Variants in ADGRE3 observed in about 807,000 individuals in gnomAD.
ADGRE3 encodes adhesion G protein-coupled receptor E3.
ADGRE3 carries 88 observed loss-of-function variants against 80.1 expected under a neutral mutation model. That is an observed-to-expected ratio of 1.10 (90% CI 0.93 to 1.31). ADGRE3 has a LOEUF of 1.31. Ranked by LOEUF, ADGRE3 falls within the 40% of genes most tolerant of loss-of-function variation. The probability of loss-of-function intolerance (pLI) is 0.00; values close to 1 mark genes in which losing one functional copy is unlikely to be tolerated. For missense variants in ADGRE3, 715 were observed against 776.5 expected (o/e 0.92, Z 0.94); for synonymous variants, 281 against 294.8 (o/e 0.95, Z 0.48).
the ADGRE3 span, among the ~76,000 whole-genome samples, chr19:14,606,830 T>C: frequency 6.6e-6 from 1 of 151,912 alleles, no homozygotes; most frequent in South Asian, 2.1e-4. Context: ...CATGCTACAG[T>C]GGGAGGAAGA....
the ADGRE3 span, among the ~76,000 whole-genome samples, chr19:14,607,286 G>T: frequency 6.7e-6 from 1 of 149,766 alleles, no homozygotes; most frequent in East Asian, 2.0e-4. Flanking sequence ...CTCACTGCAA[G>T]CTCCGCCTCC....
At chr19:14,674,666 G>GA (rs1407723132) in intron 1 of ADGRE3, 80 bp downstream of exon 1, 18 of 1,447,000 alleles carry the variant, frequency 1.2e-5, no homozygotes, top group Non-Finnish European at 1.6e-5. Flanking sequence ...AAGAGGAGGA[G>GA]AAAATAACCA....
chr19:14,670,475 C>T (rs1165413066), intron 1 of ADGRE3, among the ~76,000 whole-genome samples: 1 of 152,160 alleles, frequency 6.6e-6, no homozygotes, highest in Non-Finnish European at 1.5e-5. Context: ...TTATGAGAGA[C>T]CAGCAAGGTT....
intron 2 of ADGRE3, 64 bp downstream of exon 2, chr19:14,668,738 C>A (rs4239642): frequency 0.75 from 1,061,160 of 1,408,070 alleles, 403,156 homozygotes; most frequent in African/African-American, 0.94. Flanking sequence ...CCACTGGAGA[C>A]CATGAGTGGC....
chr19:14,635,371 CT>C (rs1323765961), intron 11 of ADGRE3, among the ~76,000 whole-genome samples: 1 of 150,824 alleles, frequency 6.6e-6, no homozygotes. Context: ...TCCCAAAGTG[CT>C]GGGGTTACAG....
chr19:14,617,786 G>T (rs1339465033), downstream of ADGRE3, among the ~76,000 whole-genome samples: 1 of 151,320 alleles, frequency 6.6e-6, no homozygotes, highest in African/African-American at 2.4e-5. Flanking sequence ...TAATCTTTTG[G>T]CCTTTTTTCC....
At chr19:14,659,208 T>C (rs951397406) in intron 4 of ADGRE3, among the ~76,000 whole-genome samples, 2 of 150,762 alleles carry the variant, frequency 1.3e-5, no homozygotes, top group Non-Finnish European at 3.0e-5. Flanking sequence ...CTAAATTTTT[T>C]TTTTTTGTAT....
chr19:14,618,446 C>T (rs934982631), downstream of ADGRE3, among the ~76,000 whole-genome samples: 2 of 151,884 alleles, frequency 1.3e-5, no homozygotes, highest in Non-Finnish European at 2.9e-5. Flanking sequence ...TCCCAGCTAT[C>T]GGGAGGCTAA....
At chr19:14,608,453 T>C in the ADGRE3 span, among the ~76,000 whole-genome samples, 1 of 152,052 alleles carries the variant, frequency 6.6e-6, no homozygotes, top group African/African-American at 2.4e-5. Context: ...ATCCCAGGCT[T>C]GGCCAGACAG....
At chr19:14,630,712 C>T (rs1039128243) in intron 13 of ADGRE3, among the ~76,000 whole-genome samples, 2 of 152,190 alleles carry the variant, frequency 1.3e-5, no homozygotes, top group South Asian at 4.2e-4. Flanking sequence ...CTGCACCCAG[C>T]CTCAGTTCCC....
intron 15 of ADGRE3, among the ~76,000 whole-genome samples, chr19:14,624,229 G>C (rs919041335): frequency 6.6e-5 from 10 of 151,998 alleles, no homozygotes; most frequent in African/African-American, 2.4e-4. Flanking sequence ...CGAGTAGCTG[G>C]GATTACAGGC....
rs1467368980 is a variant in ADGRE3 at position 14,623,295 on chromosome 19, AAAAT to A, written c.1920+2193_1920+2196del. On this transcript the variant is annotated intron_variant, in intron 15 of 15. Coordinates refer to ENST00000253673, the MANE Select transcript of ADGRE3 (RefSeq NM_032571.5). ...TATGCCTAAAATACTTAAAAAAAAA[AAAAT>A]AAAAAAAAAAAAAAATAAAACTCCT... Among the ~76,000 whole-genome samples the A allele has an allele frequency of 3.1e-4, 7 of 22,382 alleles. 2 individuals carry two copies. The South Asian group carries it at 7.4e-3, about 24-fold the overall frequency. 14.7% of individuals were successfully genotyped at this position (22,382 alleles called of 152,430 possible).
At chr19:14,600,207 G>C in the ADGRE3 span, 1 of 1,612,252 alleles carries the variant, frequency 6.2e-7, no homozygotes, top group Admixed American at 1.7e-5. Context: ...CTGAACCTTT[G>C]AGAACCTTCA....
At chr19:14,612,611 A>C in the ADGRE3 span, among the ~76,000 whole-genome samples, 1 of 152,144 alleles carries the variant, frequency 6.6e-6, no homozygotes, top group Non-Finnish European at 1.5e-5. Flanking sequence ...CTGGGATTAC[A>C]GGCATGAGCC....
intron 5 of ADGRE3, 65 bp downstream of exon 5, chr19:14,658,448 C>G: frequency 7.6e-7 from 1 of 1,320,220 alleles, no homozygotes; most frequent in Non-Finnish European, 1.0e-6. Context: ...TCACTTTGGG[C>G]TTTGTAAATA....
chr19:14,647,203 G>T lies in ADGRE3; in HGVS notation c.860C>A (p.Thr287Lys). ...KRNVSLSKSVTLTFQHVKMTP... is the reference protein window; with the variant it reads ...KRNVSLSKSVKLTFQHVKMTP... The stretch of plus-strand genomic sequence containing the variant: ...CACCTTCACGTGCTGGAAAGTCAGC[G>T]TCACAGACTTGGAGAGAGACACGTT... The change falls in exon 8 of 16, where the codon ACG becomes AAG. Residue 287 changes from threonine (T) to lysine (K), a missense_variant. Thr to Lys is a moderately conservative substitution (Grantham distance 78, BLOSUM62 -1). Transcript: ENST00000253673. 1 of 1,613,842 alleles carries T rather than the reference G, an allele frequency of 6.2e-7. No individual in the cohort carries two copies. The highest frequency in any genetic ancestry group is 8.5e-7 in the Non-Finnish European group (1 of 1,179,884).
At chr19:14,635,999 CTTTCT>C (rs1971027852) in intron 11 of ADGRE3, among the ~76,000 whole-genome samples, 1 of 71,818 alleles carries the variant, frequency 1.4e-5, no homozygotes, top group Non-Finnish European at 3.0e-5. Context: ...CTTTCTCTCT[CTTTCT>C]CTTTCTTTCT....
intron 9 of ADGRE3, among the ~76,000 whole-genome samples, chr19:14,642,921 T>C (rs983679341): frequency 2.0e-5 from 3 of 152,172 alleles, no homozygotes; most frequent in African/African-American, 7.2e-5. Flanking sequence ...GATAGAATGA[T>C]TTATATTCCT....
intron 8 of ADGRE3, among the ~76,000 whole-genome samples, chr19:14,646,932 G>A (rs1156942349): frequency 6.6e-6 from 1 of 151,712 alleles, no homozygotes; most frequent in Non-Finnish European, 1.5e-5. Context: ...CAACCTGCCT[G>A]GTTTAAATCA....
Sources: gnomAD v4.1 joint callset for allele counts (sites outside exome capture counted in the v4.1 genomes callset) on GRCh38, gnomAD v4.1.1 for gene constraint, MANE v1.5 for transcripts, NCBI Gene and HGNC (gene_info 2026-07-23, HGNC 2026-07-21) for gene names.